The following ACTR3C variants were observed in gnomAD, a reference collection of about 807,000 sequenced individuals.
ACTR3C encodes the protein actin related protein 3C.
Under a neutral mutation model 26.3 loss-of-function variants are expected in ACTR3C, and 18 were observed. The ratio of observed to expected loss-of-function variants is 0.68; its 90% confidence interval spans 0.47 to 1.01. The LOEUF is 1.01. Ranked by LOEUF, ACTR3C falls within the 50% of genes least tolerant of loss-of-function variation. The probability of loss-of-function intolerance (pLI) is 0.00; values close to 1 mark genes in which losing one functional copy is unlikely to be tolerated. For missense variants in ACTR3C, 184 were observed against 250.7 expected (o/e 0.73, Z 1.80); for synonymous variants, 55 against 94.5 (o/e 0.58, Z 2.42).
chr7:150,163,082 A>G, the ACTR3C span, among the ~76,000 whole-genome samples: 7 of 151,488 alleles, frequency 4.6e-5, no homozygotes, highest in African/African-American at 1.5e-4. Flanking sequence ...TGAAATAGGG[A>G]GGCGGAGGTT....
the ACTR3C span, among the ~76,000 whole-genome samples, chr7:149,889,403 A>G: frequency 1.3e-5 from 2 of 152,238 alleles, no homozygotes; most frequent in African/African-American, 4.8e-5. Flanking sequence ...TTTATGAAAG[A>G]TTGGCATCCA....
the ACTR3C span, among the ~76,000 whole-genome samples, chr7:150,039,001 G>GA: frequency 1.1e-5 from 1 of 87,212 alleles, no homozygotes; most frequent in African/African-American, 4.2e-5. Flanking sequence ...CTCAGAGCCG[G>GA]GGGGCGGGGA....
chr7:149,961,512 CA>C, the ACTR3C span, among the ~76,000 whole-genome samples: 1 of 150,442 alleles, frequency 6.6e-6, no homozygotes, highest in East Asian at 2.0e-4. Flanking sequence ...AAAGGAAGTG[CA>C]CAGATAGGAA....
the ACTR3C span, among the ~76,000 whole-genome samples, chr7:150,079,411 T>A: frequency 2.0e-5 from 3 of 152,242 alleles, no homozygotes; most frequent in East Asian, 5.8e-4. Flanking sequence ...TGTTGTGAGG[T>A]GCATGGGTGA....
the ACTR3C span, among the ~76,000 whole-genome samples, chr7:149,993,977 T>G: frequency 2.0e-5 from 3 of 152,286 alleles, no homozygotes; most frequent in Non-Finnish European, 4.4e-5. Context: ...CTGTGCATGA[T>G]GCACATTAAG....
chr7:150,225,846 G>T, the ACTR3C span, among the ~76,000 whole-genome samples: 1 of 152,140 alleles, frequency 6.6e-6, no homozygotes, highest in Non-Finnish European at 1.5e-5. Context: ...CACCCTAAAA[G>T]TTCTGAGCTT....
chr7:150,222,924 CTA>C, the ACTR3C span, among the ~76,000 whole-genome samples: 2 of 152,210 alleles, frequency 1.3e-5, no homozygotes, highest in East Asian at 1.9e-4. Context: ...TGGGGTTTCA[CTA>C]TGTTTTCCTT....
At chr7:150,193,139 T>C in the ACTR3C span, among the ~76,000 whole-genome samples, 19 of 152,312 alleles carry the variant, frequency 1.2e-4, no homozygotes, top group Admixed American at 7.8e-4. Flanking sequence ...AAGCCTTTAC[T>C]AAATTTTTTC....
chr7:149,999,455 C>T, the ACTR3C span, among the ~76,000 whole-genome samples: 3 of 150,436 alleles, frequency 2.0e-5, no homozygotes, highest in South Asian at 2.2e-4. Context: ...TCGGAACAAG[C>T]GATCATTGCT....
chr7:150,180,817 T>A, the ACTR3C span, among the ~76,000 whole-genome samples: 4 of 149,242 alleles, frequency 2.7e-5, no homozygotes, highest in Admixed American at 1.3e-4. Context: ...GCCAGTAGTA[T>A]ACCATTTTAA....
chr7:150,096,377 C>T, the ACTR3C span, among the ~76,000 whole-genome samples: 3 of 151,274 alleles, frequency 2.0e-5, no homozygotes, highest in African/African-American at 7.4e-5. Flanking sequence ...TCTCCATGAA[C>T]CCAGGAAATA....
chr7:150,296,054 A>G (rs1460909675), intron 1 of ACTR3C, among the ~76,000 whole-genome samples: 6 of 128,876 alleles, frequency 4.7e-5, no homozygotes, highest in East Asian at 4.2e-4. Flanking sequence ...ATGGCAGACA[A>G]AAACACATAT....
chr7:150,048,999 G>A, the ACTR3C span, among the ~76,000 whole-genome samples: 1 of 152,064 alleles, frequency 6.6e-6, no homozygotes. Context: ...GCAGGCGGAG[G>A]CTCGGCTCTC....
chr7:150,201,067 T>A, the ACTR3C span, among the ~76,000 whole-genome samples: 1 of 152,378 alleles, frequency 6.6e-6, no homozygotes, highest in Admixed American at 6.5e-5. Flanking sequence ...CCTCTGGGGA[T>A]GAGAATTCTA....
chr7:150,039,530 C>T, the ACTR3C span, among the ~76,000 whole-genome samples: 116 of 81,458 alleles, frequency 1.4e-3, no homozygotes, highest in Non-Finnish European at 2.3e-3. Context: ...CCCCCTCCTG[C>T]GATGGGGGTC....
chr7:150,201,868 G>A, the ACTR3C span, among the ~76,000 whole-genome samples: 1 of 151,808 alleles, frequency 6.6e-6, no homozygotes, highest in South Asian at 2.1e-4. Flanking sequence ...TACACAATTT[G>A]TCTCTTAAAA....
At chr7:150,132,347 A>G in the ACTR3C span, among the ~76,000 whole-genome samples, 1 of 152,366 alleles carries the variant, frequency 6.6e-6, no homozygotes, top group Non-Finnish European at 1.5e-5. Flanking sequence ...AGCTTTAAAA[A>G]TGTCCATTTT....
At chr7:150,140,744 G>A in the ACTR3C span, among the ~76,000 whole-genome samples, 1 of 152,198 alleles carries the variant, frequency 6.6e-6, no homozygotes, top group Non-Finnish European at 1.5e-5. Context: ...GTGAAAGGAA[G>A]AGTCACACAT....
At chr7:150,146,943 A>T in the ACTR3C span, among the ~76,000 whole-genome samples, 3 of 152,228 alleles carry the variant, frequency 2.0e-5, no homozygotes, top group South Asian at 2.1e-4. Context: ...ACCTTAAGTC[A>T]TGTACCCATC....
Sources: gnomAD v4.1 joint callset for allele counts (sites outside exome capture counted in the v4.1 genomes callset) on GRCh38, gnomAD v4.1.1 for gene constraint, MANE v1.5 for transcripts, NCBI Gene and HGNC (gene_info 2026-07-23, HGNC 2026-07-21) for gene names.